The following GFRAL variants were observed in gnomAD, a reference collection of about 807,000 sequenced individuals.
GFRAL encodes GDNF family receptor alpha-like.
Under a neutral mutation model 45.4 loss-of-function variants are expected in GFRAL, and 36 were observed. The ratio of observed to expected loss-of-function variants is 0.79; its 90% confidence interval spans 0.61 to 1.05. GFRAL has a LOEUF of 1.05. Ranked by LOEUF, GFRAL falls within the 50% of genes least tolerant of loss-of-function variation. The probability of loss-of-function intolerance (pLI) is 0.00; values close to 1 mark genes in which losing one functional copy is unlikely to be tolerated. For missense variants in GFRAL, 507 were observed against 467.5 expected (o/e 1.08, Z -0.78); for synonymous variants, 166 against 154.1 (o/e 1.08, Z -0.57).
chr6:55,390,671 C>T (rs927572409), intron 6 of GFRAL, among the ~76,000 whole-genome samples: 6 of 152,016 alleles, frequency 3.9e-5, no homozygotes, highest in African/African-American at 7.2e-5. Flanking sequence ...GGGCGGATCA[C>T]GAGGTCAGCA....
chr6:55,374,110 T>C (rs1376381631), intron 6 of GFRAL, among the ~76,000 whole-genome samples: 2 of 152,206 alleles, frequency 1.3e-5, no homozygotes, highest in Non-Finnish European at 2.9e-5. Flanking sequence ...TAGTATCCCA[T>C]GGTATATATG....
At chr6:55,364,757 G>A (rs921969491) in intron 6 of GFRAL, among the ~76,000 whole-genome samples, 26 of 151,820 alleles carry the variant, frequency 1.7e-4, no homozygotes, top group East Asian at 7.7e-4. Context: ...GTAGATATGC[G>A]GCGTGATTTC....
intron 6 of GFRAL, among the ~76,000 whole-genome samples, chr6:55,367,998 G>A (rs1287054059): frequency 6.8e-6 from 1 of 147,512 alleles, no homozygotes; most frequent in Non-Finnish European, 1.5e-5. Flanking sequence ...TGCCTTCCTA[G>A]ATTGGGGAAG....
At chr6:55,362,274 GAA>G (rs74432101) in intron 6 of GFRAL, among the ~76,000 whole-genome samples, 18 of 124,070 alleles carry the variant, frequency 1.5e-4, no homozygotes, top group East Asian at 7.3e-4. Context: ...AAATGATAAT[GAA>G]AAAAAAAAAA....
At chr6:55,382,373 T>C (rs1273153787) in intron 6 of GFRAL, among the ~76,000 whole-genome samples, 1 of 151,960 alleles carries the variant, frequency 6.6e-6, no homozygotes, top group Non-Finnish European at 1.5e-5. Context: ...ACTGTTTCTT[T>C]AAAATTACTT....
chr6:55,342,995 C>T (rs910598049), intron 3 of GFRAL, among the ~76,000 whole-genome samples: 3 of 152,118 alleles, frequency 2.0e-5, no homozygotes, highest in African/African-American at 4.8e-5. Flanking sequence ...AATATATATG[C>T]ACCCAATACA....
At position 55,358,997 on chromosome 6, in the gene GFRAL, G is replaced by A; in HGVS notation, c.811G>A (p.Gly271Arg). Residue 271 changes from glycine to arginine, a missense_variant, in exon 6 of 9, where the codon GGA becomes AGA. Gly to Arg is a moderately radical substitution (Grantham distance 125). Coordinates refer to ENST00000340465, the MANE Select transcript of GFRAL (RefSeq NM_207410.2). ...TLSKQDLTCS[G>R]SDDCKAAYID... ...AAGCAAACAGGACCTCACTTGTTCA[G>A]GAAGTGATGACTGCAAAGCTGCTTA... The A allele has an allele frequency of 6.2e-7, 1 of 1,613,088 alleles. No homozygotes were observed. Among genetic ancestry groups the A allele is most frequent in the South Asian group, 1.1e-5 (1 of 91,064 alleles).
At chr6:55,357,074 G>T (rs72972836) in intron 5 of GFRAL, among the ~76,000 whole-genome samples, 24,722 of 151,752 alleles carry the variant, frequency 0.16, 2,325 homozygotes, top group African/African-American at 0.25. Context: ...ATGATTTCAA[G>T]TTTTTGAAAA....
chr6:55,333,331 T>C (rs1026744956), intron 2 of GFRAL, among the ~76,000 whole-genome samples: 1 of 152,146 alleles, frequency 6.6e-6, no homozygotes, highest in East Asian at 1.9e-4. Context: ...TTGAGTGCTA[T>C]GTGCCAGGAC....
chr6:55,392,209 G>T (rs989012344), intron 6 of GFRAL, among the ~76,000 whole-genome samples: 2 of 152,064 alleles, frequency 1.3e-5, no homozygotes, highest in African/African-American at 2.4e-5. Context: ...CCATTTACCT[G>T]GTTGTCCCTT....
chr6:55,359,576 G>C (rs1768245629), intron 6 of GFRAL, among the ~76,000 whole-genome samples: 1 of 151,868 alleles, frequency 6.6e-6, no homozygotes. Context: ...TGGTCTTTTG[G>C]GGGGTCACTC....
chr6:55,380,132 G>A (rs1581756288), intron 6 of GFRAL, among the ~76,000 whole-genome samples: 1 of 151,978 alleles, frequency 6.6e-6, no homozygotes, highest in African/African-American at 2.4e-5. Flanking sequence ...TCCTTTGGAT[G>A]TATGCCCAGC....
At chr6:55,347,374 A>T (rs1259495148) in intron 3 of GFRAL, among the ~76,000 whole-genome samples, 1 of 152,156 alleles carries the variant, frequency 6.6e-6, no homozygotes, top group Non-Finnish European at 1.5e-5. Context: ...GGTGAAGGTC[A>T]TAAGAGCTAT....
At chr6:55,344,177 A>T (rs983426206) in intron 3 of GFRAL, among the ~76,000 whole-genome samples, 4 of 148,246 alleles carry the variant, frequency 2.7e-5, no homozygotes, top group Non-Finnish European at 4.6e-5. Flanking sequence ...AATGCTCCCT[A>T]ACTCATTTTA....
In GFRAL at chr6:55,333,669, G is replaced by A. The variant is rs1162452880; in HGVS notation, c.158-117G>A. On this transcript the variant is annotated intron_variant, in intron 2 of 8. Transcript: ENST00000340465. ...ATATGGATATCTTGCAGCAACCCCAGATAATCTTACCATATTAATTAATTA... is the reference window on the plus strand; with the variant it reads ...ATATGGATATCTTGCAGCAACCCCAAATAATCTTACCATATTAATTAATTA... The A allele has an allele frequency of 7.0e-6, 4 of 570,142 alleles. No individual in the cohort carries two copies. In the African/African-American group the frequency reaches 7.7e-5, roughly 11 times the overall value. The allele number at this position is 570,142 out of a possible 1,614,324, so 35.3% of individuals were successfully genotyped here.
intron 6 of GFRAL, among the ~76,000 whole-genome samples, chr6:55,359,736 A>C (rs1335802750): frequency 6.6e-6 from 1 of 152,002 alleles, no homozygotes; most frequent in Non-Finnish European, 1.5e-5. Flanking sequence ...TGGAAGCAGA[A>C]GAGTTCCTAA....
chr6:55,335,019 A>T (rs756239194), intron 3 of GFRAL, among the ~76,000 whole-genome samples: 3 of 152,198 alleles, frequency 2.0e-5, no homozygotes, highest in Non-Finnish European at 4.4e-5. Context: ...GACAAACATA[A>T]GCTTTACTTC....
At chr6:55,329,601 CT>C (rs992580362) in intron 1 of GFRAL, among the ~76,000 whole-genome samples, 4 of 152,094 alleles carry the variant, frequency 2.6e-5, no homozygotes, top group African/African-American at 9.7e-5. Context: ...AAAGAGTCCT[CT>C]TTTTCTTTCT....
At chr6:55,389,196 A>G (rs1768716602) in intron 6 of GFRAL, among the ~76,000 whole-genome samples, 1 of 152,172 alleles carries the variant, frequency 6.6e-6, no homozygotes, top group African/African-American at 2.4e-5. Flanking sequence ...TCACCCAGGT[A>G]TTAAGCCTAG....
Sources: allele counts gnomAD v4.1 joint callset (sites outside exome capture counted in the v4.1 genomes callset), GRCh38; gene constraint gnomAD v4.1.1; transcripts MANE v1.5; gene names NCBI Gene and HGNC (gene_info 2026-07-23, HGNC 2026-07-21).